The following UBQLN1 variants were observed in gnomAD, a reference collection of about 807,000 sequenced individuals.
UBQLN1 encodes ubiquilin 1.
A neutral mutation model predicts 65.4 loss-of-function variants in UBQLN1; 13 were observed. The observed-to-expected ratio is 0.20, with a 90% CI of 0.13 to 0.32. UBQLN1 has a LOEUF of 0.32. UBQLN1 is among the 10% of genes least tolerant of loss of function. The pLI is 1.00. For missense variants in UBQLN1, 561 were observed against 724.0 expected (o/e 0.77, Z 2.58); for synonymous variants, 267 against 247.8 (o/e 1.08, Z -0.73).
intron 1 of UBQLN1, among the ~76,000 whole-genome samples, chr9:83,702,423 A>T (rs556858992): frequency 4.6e-5 from 7 of 152,112 alleles, no homozygotes; most frequent in South Asian, 2.1e-4. Flanking sequence ...TCTCACAGAC[A>T]TTTTTTTTCT....
At chr9:83,695,622 A>T (rs1030727164) in intron 1 of UBQLN1, among the ~76,000 whole-genome samples, 4 of 17,524 alleles carry the variant, frequency 2.3e-4, no homozygotes, top group African/African-American at 8.7e-4. Flanking sequence ...TAAAGAGTTA[A>T]AAAAAAAAAT....
chr9:83,704,824 C>CAAAAAA (rs780432842), intron 1 of UBQLN1, among the ~76,000 whole-genome samples: 98 of 69,352 alleles, frequency 1.4e-3, no homozygotes, highest in East Asian at 3.8e-3. Context: ...GACTCCATCT[C>CAAAAAA]AAAAAAAAAA....
At chr9:83,685,155 G>A (rs1587652577) in intron 2 of UBQLN1, among the ~76,000 whole-genome samples, 2 of 152,054 alleles carry the variant, frequency 1.3e-5, no homozygotes, top group Admixed American at 1.3e-4. Flanking sequence ...AAAATAGAAG[G>A]AATATGTTGA....
intron 6 of UBQLN1, among the ~76,000 whole-genome samples, chr9:83,676,971 C>A (rs1208997715): frequency 6.6e-6 from 1 of 152,214 alleles, no homozygotes; most frequent in Admixed American, 6.5e-5. Context: ...AATTTCTAAC[C>A]TGTTCACACA....
intron 3 of UBQLN1, among the ~76,000 whole-genome samples, chr9:83,681,114 T>C (rs1281699406): frequency 6.6e-6 from 1 of 152,216 alleles, no homozygotes; most frequent in Non-Finnish European, 1.5e-5. Context: ...AGAATTCACC[T>C]ATAAACACTG....
At chr9:83,698,996 T>C (rs1832267546) in intron 1 of UBQLN1, among the ~76,000 whole-genome samples, 1 of 151,814 alleles carries the variant, frequency 6.6e-6, no homozygotes, top group Admixed American at 6.6e-5. Flanking sequence ...AATAAGTTAA[T>C]CACAAAAGGC....
rs762494390 is a variant in UBQLN1, at chr9:83,673,546, T to TAAAAA, written c.1105+4176_1105+4180dup. Among the ~76,000 whole-genome samples, 26 of 75,540 alleles carry TAAAAA rather than the reference T, an allele frequency of 3.4e-4. 1 individual carries two copies. Among genetic ancestry groups the TAAAAA allele is most frequent in the South Asian group, 3.3e-3 (7 of 2,092 alleles). 49.6% of individuals were successfully genotyped at this position (75,540 alleles called of 152,430 possible). On this transcript the variant is annotated intron_variant, in intron 6 of 10. Transcript: ENST00000376395. ...GGTGACAGGTCGAGACTCGGTCTTT[T>TAAAAA]AAAAAAAAAAAAAAAAAAAAACAAA... is the stretch of plus-strand genomic sequence containing the variant.
intron 1 of UBQLN1, among the ~76,000 whole-genome samples, chr9:83,688,884 C>T (rs1379379405): frequency 6.6e-6 from 1 of 151,978 alleles, no homozygotes; most frequent in East Asian, 1.9e-4. Flanking sequence ...AGACATGCAT[C>T]TATTCTTACA....
intron 7 of UBQLN1, 44 bp downstream of exon 7, chr9:83,669,141 T>C: frequency 1.9e-6 from 3 of 1,573,820 alleles, no homozygotes; most frequent in Non-Finnish European, 1.7e-6. Flanking sequence ...TAGGTTATTT[T>C]AATTCACACT....
chr9:83,702,310 C>T (rs547178250), intron 1 of UBQLN1, among the ~76,000 whole-genome samples: 4 of 152,268 alleles, frequency 2.6e-5, no homozygotes, highest in East Asian at 1.9e-4. Context: ...TTCAATTACG[C>T]TCTTTCTTAA....
At chr9:83,684,744 A>C (rs1170178213) in intron 2 of UBQLN1, among the ~76,000 whole-genome samples, 2 of 151,312 alleles carry the variant, frequency 1.3e-5, no homozygotes, top group African/African-American at 4.9e-5. Flanking sequence ...CCAGAGGCAG[A>C]CGTTGCAGTG....
rs984246999 is a variant in UBQLN1, at chr9:83,685,006, G to A, written c.332+998C>T. Among the ~76,000 whole-genome samples, 9 of 152,030 alleles carry A rather than the reference G, an allele frequency of 5.9e-5. No homozygotes were observed. In the East Asian group the frequency reaches 1.7e-3, roughly 29 times the overall value. On this transcript the variant is annotated intron_variant, in intron 2 of 10. Coordinates refer to ENST00000376395, the MANE Select transcript of UBQLN1 (RefSeq NM_013438.5). ...CATCAACTACATGCCTGCACATGTA[G>A]TCTACATGACTTCAACTGAATGCCT... is the stretch of plus-strand genomic sequence containing the variant.
At chr9:83,675,326 T>C (rs967480010) in intron 6 of UBQLN1, among the ~76,000 whole-genome samples, 2 of 152,068 alleles carry the variant, frequency 1.3e-5, no homozygotes, top group Admixed American at 6.5e-5. Context: ...TGTTAGAGAG[T>C]TGGTAATGCT....
intron 1 of UBQLN1, among the ~76,000 whole-genome samples, chr9:83,702,655 T>C (rs1286212712): frequency 6.6e-6 from 1 of 152,232 alleles, no homozygotes. Flanking sequence ...TTTATTTTGT[T>C]CATACCAAAT....
rs914238245 is a variant in UBQLN1, at chr9:83,664,140, T to C, written c.1449-97A>G. 2.0e-4 allele frequency: 270 copies of C among 1,382,200 alleles called. 2 individuals carry two copies. Among genetic ancestry groups the C allele is most frequent in the Non-Finnish European group, 2.6e-4 (263 of 1,020,572 alleles). The allele number at this position is 1,382,200 out of a possible 1,614,324, so 85.6% of individuals were successfully genotyped here. ...TTTTAATATAAGCTAAGCCATCTTC[T>C]TAAAATAAGCCCTTTTGGCCTGGTG... On this transcript the variant is annotated intron_variant, in intron 9 of 10. Transcript: ENST00000376395.
chr9:83,702,308 C>T (rs374452865), intron 1 of UBQLN1, among the ~76,000 whole-genome samples: 7 of 152,238 alleles, frequency 4.6e-5, no homozygotes, highest in East Asian at 3.9e-4. Context: ...ACTTCAATTA[C>T]GCTCTTTCTT....
rs536076494 is a variant in UBQLN1 at position 83,691,002 on chromosome 9, G to A, written c.181-4847C>T. 2.6e-5 allele frequency among the ~76,000 whole-genome samples: 4 copies of A among 152,006 alleles called. No homozygotes were observed. In the East Asian group the frequency reaches 5.8e-4, roughly 22 times the overall value. ...AAAATACAAAAATTAGCCAGGCATC[G>A]TGGCACACACCTGCAATCCCAGCTA... On this transcript the variant is annotated intron_variant, in intron 1 of 10. Coordinates refer to ENST00000376395, the MANE Select transcript of UBQLN1 (RefSeq NM_013438.5).
At chr9:83,662,746 A>G (rs1180879750) in intron 10 of UBQLN1, among the ~76,000 whole-genome samples, 1 of 152,248 alleles carries the variant, frequency 6.6e-6, no homozygotes, top group African/African-American at 2.4e-5. Context: ...GATATGTATG[A>G]GACAGAACCC....
chr9:83,706,771 C>T (rs988939429), intron 1 of UBQLN1, among the ~76,000 whole-genome samples: 3 of 152,144 alleles, frequency 2.0e-5, no homozygotes, highest in African/African-American at 7.2e-5. Context: ...ATCAACATCG[C>T]TATCGCCCCT....
Sources: allele counts gnomAD v4.1 joint callset (sites outside exome capture counted in the v4.1 genomes callset), GRCh38; gene constraint gnomAD v4.1.1; transcripts MANE v1.5; gene names NCBI Gene and HGNC (gene_info 2026-07-23, HGNC 2026-07-21).